Variants in CACNA1B observed in about 807,000 individuals in gnomAD.
CACNA1B encodes voltage-dependent N-type calcium channel subunit alpha-1B.
CACNA1B carries 70 observed loss-of-function variants against 247.2 expected under a neutral mutation model. That is an observed-to-expected ratio of 0.28 (90% CI 0.23 to 0.35). CACNA1B has a LOEUF of 0.35. CACNA1B is among the 10% of genes least tolerant of loss of function. CACNA1B has a pLI of 1.00. For synonymous variants in CACNA1B, 1,231 were observed against 1,294.4 expected (o/e 0.95, Z 1.05); for missense variants, 2,367 against 3,197.4 (o/e 0.74, Z 6.26).
chr9:138,023,501 C>G lies in CACNA1B; in HGVS notation c.2758C>G (p.Arg920Gly), dbSNP rs1958877138. The change falls in exon 19 of 47, where the codon CGG (arginine) becomes GGG (glycine). Residue 920 changes from arginine (R) to glycine (G), a missense_variant. By Grantham distance (125) the Arg-to-Gly change is moderately radical. Coordinates refer to ENST00000371372, the MANE Select transcript of CACNA1B (RefSeq NM_000718.4). ...PGPEGGRRHH[R>G]RGSPEEAAER... ...CCCCGAGGGCGGCCGGCGGCACCAC[C>G]GGCGCGGCTCCCCGGAGGAGGCGGC... The G allele has an allele frequency of 9.3e-7, 1 of 1,076,044 alleles. No homozygotes were observed. Among genetic ancestry groups the G allele is most frequent in the Admixed American group, 5.4e-5 (1 of 18,460 alleles). 66.7% of individuals were successfully genotyped at this position (1,076,044 alleles called of 1,614,324 possible). A position where few individuals can be genotyped will look rare whatever the true frequency, so the allele number is the denominator to read the frequency against.
chr9:138,049,865 G>C (rs1671645244), intron 24 of CACNA1B, among the ~76,000 whole-genome samples: 1 of 152,244 alleles, frequency 6.6e-6, no homozygotes, highest in Non-Finnish European at 1.5e-5. Flanking sequence ...GGCTTCCTCA[G>C]ATAACTGCAT....
chr9:137,931,248 T>C (rs566248661), intron 6 of CACNA1B, among the ~76,000 whole-genome samples: 19 of 151,502 alleles, frequency 1.3e-4, no homozygotes, highest in Non-Finnish European at 2.6e-4. Flanking sequence ...CGTAAACGGC[T>C]CAAGAGCCCT....
chr9:138,057,440 C>CT lies in CACNA1B; in HGVS notation c.3969-291dup, dbSNP rs1174596705. Among the ~76,000 whole-genome samples, 2 of 152,288 alleles carry CT rather than the reference C, an allele frequency of 1.3e-5. No homozygotes were observed. The highest frequency in any genetic ancestry group is 3.9e-4 in the East Asian group (2 of 5,184). On this transcript the variant is annotated intron_variant, in intron 26 of 46. Coordinates refer to ENST00000371372, the MANE Select transcript of CACNA1B (RefSeq NM_000718.4). The surrounding 1 kb of genome is among the most constrained non-coding windows in gnomAD (Gnocchi z 4.0). ...GTTGCTCATGATTTTGGTGTCACAT[C>CT]TAAGGCTCCATTCCCAGATTCGAGG...
chr9:138,098,442 G>A (rs1531166), intron 37 of CACNA1B, among the ~76,000 whole-genome samples: 77,075 of 152,020 alleles, frequency 0.51, 21,749 homozygotes, highest in African/African-American at 0.76. Context: ...TATTTTTTCT[G>A]GAGGAGACTG....
At chr9:137,992,855 A>C (rs1958449009) in intron 15 of CACNA1B, among the ~76,000 whole-genome samples, 1 of 152,202 alleles carries the variant, frequency 6.6e-6, no homozygotes, top group South Asian at 2.1e-4. Flanking sequence ...ATAGTGGAAT[A>C]AAATTGGAAA....
At chr9:138,068,874 C>T (rs1324090514) in intron 31 of CACNA1B, among the ~76,000 whole-genome samples, 1 of 152,208 alleles carries the variant, frequency 6.6e-6, no homozygotes. Context: ...GGCCTTGATA[C>T]AAGGCAGATT....
intron 45 of CACNA1B, 105 bp downstream of exon 45, chr9:138,120,477 C>G: frequency 7.2e-7 from 1 of 1,393,876 alleles, no homozygotes; most frequent in South Asian, 1.4e-5. Context: ...CTCGTGACCC[C>G]ATAACCAGCC....
chr9:138,119,737 A>G (rs1201249911), intron 44 of CACNA1B, among the ~76,000 whole-genome samples: 1 of 151,940 alleles, frequency 6.6e-6, no homozygotes. Context: ...CCTCCTTCAC[A>G]CACGTGATGC....
At chr9:137,935,093 G>A (rs1368432603) in intron 6 of CACNA1B, among the ~76,000 whole-genome samples, 1 of 152,152 alleles carries the variant, frequency 6.6e-6, no homozygotes, top group Admixed American at 6.5e-5. Flanking sequence ...CGAGAAATGA[G>A]GGGATAAATT....
Position 138,007,961 on chromosome 9 carries a change from C to G in CACNA1B, c.2092+1077C>G, listed in dbSNP as rs1958674601. Among the ~76,000 whole-genome samples, 1 of 152,218 alleles carries G rather than the reference C, an allele frequency of 6.6e-6. No homozygotes were observed. ...CCCTGGCTCCTCATTCCTTGCTCCA[C>G]CTCTCCTAGGCTGGCCCAGCAGGGG... On this transcript the variant is annotated intron_variant, in intron 16 of 46. Coordinates refer to ENST00000371372, the MANE Select transcript of CACNA1B (RefSeq NM_000718.4). The surrounding 1 kb of genome is among the most constrained non-coding windows in gnomAD (Gnocchi z 4.1).
intron 18 of CACNA1B, among the ~76,000 whole-genome samples, chr9:138,022,092 C>A (rs1958852440): frequency 6.6e-6 from 1 of 152,180 alleles, no homozygotes; most frequent in Admixed American, 6.5e-5. Flanking sequence ...GGTGCTTGGG[C>A]CCATGACATT....
intron 3 of CACNA1B, among the ~76,000 whole-genome samples, chr9:137,889,440 C>G (rs7042521): frequency 0.3 from 44,656 of 146,626 alleles, 10,032 homozygotes; most frequent in East Asian, 0.59. Flanking sequence ...TGAGTTCTGA[C>G]AAGTCCCTGG....
intron 6 of CACNA1B, among the ~76,000 whole-genome samples, chr9:137,920,445 C>T (rs1208464957): frequency 6.6e-6 from 1 of 152,212 alleles, no homozygotes; most frequent in African/African-American, 2.4e-5. Context: ...GATCTACCTG[C>T]CTCAGCCTCC....
At chr9:137,987,225 C>A (rs1259277449) in intron 15 of CACNA1B, among the ~76,000 whole-genome samples, 2 of 152,156 alleles carry the variant, frequency 1.3e-5, no homozygotes, top group South Asian at 2.1e-4. Context: ...CTAAACTTCT[C>A]CCCCTCCTAT....
intron 6 of CACNA1B, among the ~76,000 whole-genome samples, chr9:137,941,903 T>C (rs1280837939): frequency 6.6e-6 from 1 of 152,136 alleles, no homozygotes; most frequent in African/African-American, 2.4e-5. Flanking sequence ...AAAACCCTTG[T>C]AGACATTGGC....
At chr9:137,893,872 G>A (rs1178702062) in intron 3 of CACNA1B, among the ~76,000 whole-genome samples, 2 of 152,186 alleles carry the variant, frequency 1.3e-5, no homozygotes, top group Non-Finnish European at 2.9e-5. Context: ...AGCCCGTCCC[G>A]GGAGGGCCCC....
chr9:138,048,650 T>A (rs1472831164), intron 23 of CACNA1B, among the ~76,000 whole-genome samples: 1 of 152,184 alleles, frequency 6.6e-6, no homozygotes, highest in Non-Finnish European at 1.5e-5. Flanking sequence ...CATGGGGACC[T>A]AGAGCTATAT....
In CACNA1B at chr9:138,058,404, G is replaced by A. The variant is rs140908234; in HGVS notation, c.4308+154G>A. 6.6e-6 allele frequency among the ~76,000 whole-genome samples: 1 copy of A among 152,294 alleles called. No individual in the cohort carries two copies. Among genetic ancestry groups the A allele is most frequent in the African/African-American group, 2.4e-5 (1 of 41,564 alleles). On this transcript the variant is annotated intron_variant, in intron 28 of 46. Coordinates refer to ENST00000371372, the MANE Select transcript of CACNA1B (RefSeq NM_000718.4). This position sits in a 1 kb window ranked among gnomAD's most constrained non-coding sequence, Gnocchi z 4.7. ...TCCTCCTTTCTCCTGCAGAGGGACC[G>A]GATTTGGCTGGTTGAGGCCTGCTTG...
At position 138,120,794 on chromosome 9, in the gene CACNA1B, G is replaced by A. The variant is rs1189953738; in HGVS notation, c.6402G>A (p.Gly2134=). The A allele has an allele frequency of 4.5e-6, 7 of 1,556,732 alleles. No homozygotes were observed. The highest frequency in any genetic ancestry group is 6.1e-6 in the Non-Finnish European group (7 of 1,150,720). Residue 2134 remains glycine, a synonymous_variant, in exon 46 of 47, where the codon GGG becomes GGA. Transcript: ENST00000371372. ...GCTTCTACTCCTGCGACCGCTTTGG[G>A]GGCCGTGAGCCCCCGAAGCCCAAGC... The part of the protein sequence containing the change: ...KQRFYSCDRF[G]GREPPKPKPS...
Sources: allele counts gnomAD v4.1 joint callset (sites outside exome capture counted in the v4.1 genomes callset), GRCh38; gene constraint gnomAD v4.1.1; non-coding constraint Gnocchi (gnomAD v3.1); transcripts MANE v1.5; gene names NCBI Gene and HGNC (gene_info 2026-07-23, HGNC 2026-07-21).